Variants in ARHGEF12 observed in about 807,000 individuals in gnomAD.
ARHGEF12 encodes the protein Rho guanine nucleotide exchange factor 12.
A neutral mutation model predicts 211.2 loss-of-function variants in ARHGEF12; 66 were observed. The ratio of observed to expected loss-of-function variants is 0.31; its 90% confidence interval spans 0.26 to 0.38. The LOEUF is 0.38. Among genes scored for constraint, ARHGEF12 ranks in the 10% least tolerant of loss-of-function variants. The pLI is 1.00. For missense variants in ARHGEF12, 1,429 were observed against 1,869.5 expected (o/e 0.76, Z 4.34); for synonymous variants, 592 against 638.4 (o/e 0.93, Z 1.09).
At chr11:120,363,298 T>C (rs891166413) in intron 1 of ARHGEF12, among the ~76,000 whole-genome samples, 6 of 152,180 alleles carry the variant, frequency 3.9e-5, no homozygotes, top group African/African-American at 1.2e-4. Flanking sequence ...TGGCACTGCG[T>C]GGATAAAGGA....
In ARHGEF12 at chr11:120,477,233, T is replaced by C; in HGVS notation, c.3380T>C (p.Ile1127Thr). 1 of 1,614,070 alleles carries C rather than the reference T, an allele frequency of 6.2e-7. No homozygotes were observed. Among genetic ancestry groups the C allele is most frequent in the Non-Finnish European group, 8.5e-7 (1 of 1,180,016 alleles). ...ACTTTCTGAAGCTGGCAGGACCTAA[T>C]CTGTCGGATGGCTGCATCAGTGAAG... ...VSEKTVWQDL[I>T]CRMAASVKEQ... Residue 1127 changes from isoleucine (I) to threonine (T), a missense_variant, in exon 35 of 41, where the codon ATC becomes ACC. By Grantham distance (89) the Ile-to-Thr change is moderately conservative (BLOSUM62 -1). Around this residue, in one of 7 missense-constraint regions of ARHGEF12, gnomAD observed 223 missense variants for 444.6 expected, o/e 0.50. Transcript: ENST00000397843.
Position 120,449,226 on chromosome 11 carries a change from T to G in ARHGEF12, c.1843+12T>G. 1 of 1,608,862 alleles carries G rather than the reference T, an allele frequency of 6.2e-7. No homozygotes were observed. Among genetic ancestry groups the G allele is most frequent in the Non-Finnish European group, 8.5e-7 (1 of 1,175,820 alleles). ...TGACAACAGTGCAAGTATGTTGAAG[T>G]TTGAAGTGCTGCATTTTCAGTACTC... On this transcript the variant is annotated intron_variant, in intron 21 of 40. Coordinates refer to ENST00000397843, the MANE Select transcript of ARHGEF12 (RefSeq NM_015313.3).
At chr11:120,431,535 T>C (rs899766109) in intron 10 of ARHGEF12, among the ~76,000 whole-genome samples, 1 of 152,208 alleles carries the variant, frequency 6.6e-6, no homozygotes, top group African/African-American at 2.4e-5. Context: ...ACTTACATTC[T>C]TTTTACCAAA....
At chr11:120,359,973 G>A (rs1243084439) in intron 1 of ARHGEF12, among the ~76,000 whole-genome samples, 2 of 152,188 alleles carry the variant, frequency 1.3e-5, no homozygotes. Context: ...GAGAAAGATT[G>A]GTAGATAAAT....
intron 17 of ARHGEF12, 86 bp downstream of exon 17, chr11:120,446,594 C>A: frequency 1.0e-6 from 1 of 976,560 alleles, no homozygotes; most frequent in Non-Finnish European, 1.5e-6. Context: ...AAATACTTAG[C>A]TTAGCACTAG....
At chr11:120,453,016 A>C (rs75050467) in intron 22 of ARHGEF12, among the ~76,000 whole-genome samples, 2,972 of 142,306 alleles carry the variant, frequency 0.021, 61 homozygotes, top group Middle Eastern at 0.055. Flanking sequence ...CAAAAACAAA[A>C]ACAAAAAAAA....
At chr11:120,387,085 G>A (rs1381386066) in intron 1 of ARHGEF12, among the ~76,000 whole-genome samples, 1 of 152,042 alleles carries the variant, frequency 6.6e-6, no homozygotes, top group Non-Finnish European at 1.5e-5. Context: ...TGTAAAGTGT[G>A]AGGGTTGGAC....
intron 1 of ARHGEF12, among the ~76,000 whole-genome samples, chr11:120,380,420 T>C (rs567839722): frequency 6.6e-6 from 1 of 152,310 alleles, no homozygotes; most frequent in East Asian, 1.9e-4. Context: ...GGATACCACA[T>C]TGCCTGTAGT....
At chr11:120,412,030 CTTTT>C (rs1313331682) in intron 4 of ARHGEF12, among the ~76,000 whole-genome samples, 2 of 152,038 alleles carry the variant, frequency 1.3e-5, no homozygotes, top group Non-Finnish European at 2.9e-5. Context: ...TTTGTATTGA[CTTTT>C]TTTGTTACAT....
At chr11:120,412,856 G>A (rs926943925) in intron 4 of ARHGEF12, among the ~76,000 whole-genome samples, 12 of 151,760 alleles carry the variant, frequency 7.9e-5, no homozygotes, top group African/African-American at 2.4e-4. Flanking sequence ...ATTTTCCGTC[G>A]TCCCCTGTGG....
chr11:120,406,837 C>T (rs1283808504), intron 2 of ARHGEF12, among the ~76,000 whole-genome samples: 2 of 152,108 alleles, frequency 1.3e-5, no homozygotes, highest in Admixed American at 6.5e-5. Flanking sequence ...GGATTACAGG[C>T]GTAAGCCACT....
intron 1 of ARHGEF12, among the ~76,000 whole-genome samples, chr11:120,360,271 G>A (rs1166665098): frequency 6.6e-6 from 1 of 152,174 alleles, no homozygotes; most frequent in African/African-American, 2.4e-5. Context: ...TAAGGAACTT[G>A]CCTTTATCCT....
At chr11:120,372,246 T>C (rs914802349) in intron 1 of ARHGEF12, among the ~76,000 whole-genome samples, 3 of 152,300 alleles carry the variant, frequency 2.0e-5, no homozygotes, top group Non-Finnish European at 2.9e-5. Flanking sequence ...CAATCTCTAT[T>C]TTACTTAACA....
chr11:120,442,053 C>T (rs773172496), intron 14 of ARHGEF12, 51 bp from the exon 15 acceptor site: 3 of 1,367,900 alleles, frequency 2.2e-6, no homozygotes, highest in Admixed American at 2.0e-5. Context: ...TAGCAAATTA[C>T]ATTTTTCATG....
rs1945539718 is a variant in ARHGEF12 at position 120,431,690 on chromosome 11, C to T, written c.784-81C>T. 9 of 1,394,818 alleles carry T rather than the reference C, an allele frequency of 6.5e-6. No homozygotes were observed. The Admixed American group carries it at 1.7e-4, about 26-fold the overall frequency. 86.4% of individuals were successfully genotyped at this position (1,394,818 alleles called of 1,614,324 possible). ...AGTAGTCTCCATGTAGATTGTAGTACCACTATTTCTTTATGCAGCAAGTAA... is the reference window on the plus strand; with the variant it reads ...AGTAGTCTCCATGTAGATTGTAGTATCACTATTTCTTTATGCAGCAAGTAA... On this transcript the variant is annotated intron_variant, in intron 10 of 40. Coordinates refer to ENST00000397843, the MANE Select transcript of ARHGEF12 (RefSeq NM_015313.3).
chr11:120,465,120 G>A (rs535721274), intron 27 of ARHGEF12, 117 bp from the exon 28 acceptor site: 1 of 1,311,898 alleles, frequency 7.6e-7, no homozygotes, highest in East Asian at 2.3e-5. Context: ...TAGATATGCA[G>A]TTCTGTGTAT....
intron 10 of ARHGEF12, among the ~76,000 whole-genome samples, chr11:120,431,011 C>T (rs1945510313): frequency 6.6e-6 from 1 of 152,068 alleles, no homozygotes; most frequent in African/African-American, 2.4e-5. Context: ...ATAACCTGGC[C>T]AGGCGCAGTG....
chr11:120,344,511 T>G (rs1434319413), intron 1 of ARHGEF12, among the ~76,000 whole-genome samples: 1 of 152,190 alleles, frequency 6.6e-6, no homozygotes, highest in African/African-American at 2.4e-5. Context: ...GTTTGCCCAG[T>G]ACAGTCTCTG....
At chr11:120,358,361 TG>T (rs1393729277) in intron 1 of ARHGEF12, among the ~76,000 whole-genome samples, 1 of 152,080 alleles carries the variant, frequency 6.6e-6, no homozygotes, top group Non-Finnish European at 1.5e-5. Flanking sequence ...GTTGTGTCCT[TG>T]GGTAGGGGTT....
Sources: allele counts gnomAD v4.1 joint callset (sites outside exome capture counted in the v4.1 genomes callset), GRCh38; gene constraint gnomAD v4.1.1; regional missense constraint gnomAD v4.1.1; transcripts MANE v1.5; gene names NCBI Gene and HGNC (gene_info 2026-07-23, HGNC 2026-07-21).